The following MSL3 variants were observed in gnomAD, a reference collection of about 807,000 sequenced individuals.
MSL3 encodes the protein MSL3-like 1.
In MSL3, 5 loss-of-function variants were observed where a neutral mutation model predicts 37.2. The observed-to-expected ratio is 0.13, with a 90% CI of 0.07 to 0.28. The LOEUF (loss-of-function observed/expected upper bound fraction) is 0.28. Ranked by LOEUF, MSL3 falls within the 10% of genes least tolerant of loss-of-function variation. MSL3 has a pLI of 1.00. For synonymous variants in MSL3, 149 were observed against 147.6 expected (o/e 1.01, Z -0.07); for missense variants, 315 against 408.5 (o/e 0.77, Z 1.97).
rs1368126610 is a variant in MSL3 at position 11,765,622 on chromosome X, G to C, written c.1064G>C (p.Ser355Thr). ...TCTCTGAGGCGGTCCACGCGCCACA[G>C]TGCCAACTGTGACAGGCTTTCTGAG... ...LQSLRRSTRH[S>T]ANCDRLSESS... The change falls in exon 9 of 13, where the codon AGT becomes ACT. Residue 355 changes from serine (S) to threonine (T), a missense_variant. Ser to Thr is a moderately conservative substitution (Grantham distance 58). Coordinates refer to ENST00000312196, the MANE Select transcript of MSL3 (RefSeq NM_078629.4). 1 of 1,211,732 alleles carries C rather than the reference G, an allele frequency of 8.3e-7. No homozygotes were observed. Among genetic ancestry groups the C allele is most frequent in the Non-Finnish European group, 1.1e-6 (1 of 895,400 alleles).
intron 2 of MSL3, chrX:11,760,115 G>T: frequency 2.6e-6 from 1 of 384,779 alleles, no homozygotes; most frequent in Non-Finnish European, 4.4e-6. Flanking sequence ...AGAGAAGTTT[G>T]ATTCATTTCC....
At chrX:11,770,915 G>A in intron 10 of MSL3, among the ~76,000 whole-genome samples, 1 of 112,126 alleles carries the variant, frequency 8.9e-6, no homozygotes, top group Non-Finnish European at 1.9e-5. Context: ...CAAAGCTTCA[G>A]CTGTGTGCAC....
chrX:11,774,858 G>C, intron 12 of MSL3, 122 bp from the exon 13 acceptor site: 2 of 491,773 alleles, frequency 4.1e-6, no homozygotes, highest in African/African-American at 4.8e-5. Flanking sequence ...CAAAATTATA[G>C]TCATTTTTTT....
At chrX:11,758,817 G>A in intron 1 of MSL3, 7 of 1,134,289 alleles carry the variant, frequency 6.2e-6, no homozygotes, top group Non-Finnish European at 8.3e-6. Flanking sequence ...GACTTGCGAC[G>A]TTGTGTCCCT....
At position 11,766,218 on chromosome X, in the gene MSL3, A is replaced by G. The variant is rs1438456679; in HGVS notation, c.1171+489A>G. The G allele has an allele frequency of 2.5e-5, 19 of 769,343 alleles. No homozygotes were observed. The African/African-American group carries it at 4.1e-4, about 16-fold the overall frequency. 63.4% of individuals were successfully genotyped at this position (769,343 alleles called of 1,213,427 possible). On this transcript the variant is annotated intron_variant, in intron 9 of 12. Coordinates refer to ENST00000312196, the MANE Select transcript of MSL3 (RefSeq NM_078629.4). ...CTCCTCTTAGCCCAACTCAAACTCC[A>G]TCAGATCTTCTCACCTTGATTTTGA... is the stretch of plus-strand genomic sequence containing the variant.
At chrX:11,764,765 A>G (rs2053164163) in intron 8 of MSL3, among the ~76,000 whole-genome samples, 2 of 111,118 alleles carry the variant, frequency 1.8e-5, no homozygotes, top group South Asian at 3.8e-4. Flanking sequence ...CCTCTGCTTC[A>G]TGGCTGTCAG....
At position 11,763,765 on chromosome X, in the gene MSL3, T is replaced by G. The variant is rs745525694; in HGVS notation, c.750-15T>G. 1.2e-5 allele frequency: 14 copies of G among 1,178,753 alleles called. No individual in the cohort carries two copies. Among genetic ancestry groups the G allele is most frequent in the Non-Finnish European group, 1.6e-5 (14 of 879,313 alleles). On this transcript the variant is annotated splice_polypyrimidine_tract_variant and intron_variant, in intron 7 of 12. Transcript: ENST00000312196. ...CTTACTTGTGTCTCTAATCTCTTCT[T>G]TTTAATCCTCCCAGTGTTGACCTTT...
intron 12 of MSL3, 62 bp from the exon 13 acceptor site, chrX:11,774,918 A>G (rs2053261573): frequency 1.2e-6 from 1 of 807,544 alleles, no homozygotes; most frequent in Non-Finnish European, 1.8e-6. Context: ...GAAAGTCAAT[A>G]TTTTGCTTGA....
At position 11,773,058 on chromosome X, in the gene MSL3, G is replaced by A. The variant is rs1034246519; in HGVS notation, c.1466+353G>A. ...TAGTTTTACATTTTTTTATTCAACAGTACCTCAAGTAGTGGACTTTCCTTT... is the reference window on the plus strand; with the variant it reads ...TAGTTTTACATTTTTTTATTCAACAATACCTCAAGTAGTGGACTTTCCTTT... On this transcript the variant is annotated intron_variant, in intron 12 of 12. Coordinates refer to ENST00000312196, the MANE Select transcript of MSL3 (RefSeq NM_078629.4). Among the ~76,000 whole-genome samples, 3 of 112,090 alleles carry A rather than the reference G, an allele frequency of 2.7e-5. No individual in the cohort carries two copies. The East Asian group carries it at 8.3e-4, about 31-fold the overall frequency.
chrX:11,766,748 C>T (rs2053187324), intron 9 of MSL3: 2 of 753,336 alleles, frequency 2.7e-6, no homozygotes, highest in South Asian at 6.8e-5. Flanking sequence ...AGAGCTACGC[C>T]AGCAGGCGCC....
chrX:11,758,199 C>A, upstream of MSL3: 1 of 149,120 alleles, frequency 6.7e-6, no homozygotes, highest in Non-Finnish European at 1.2e-5. Flanking sequence ...CCCGCCCCCG[C>A]CCGCCCTCCC....
intron 5 of MSL3, 30 bp from the exon 6 acceptor site, chrX:11,762,100 A>G (rs1259847717): frequency 9.0e-7 from 1 of 1,107,843 alleles, no homozygotes. Context: ...ACTGTTTTAA[A>G]TAGTTAAAAA....
chrX:11,768,708 C>T (rs771379979), intron 10 of MSL3, 26 bp downstream of exon 10: 1 of 1,018,569 alleles, frequency 9.8e-7, no homozygotes. Flanking sequence ...TGTTTGTTCC[C>T]AATGGTTCCT....
chrX:11,758,201 CGCCCT>C, upstream of MSL3: 4 of 167,976 alleles, frequency 2.4e-5, no homozygotes, highest in Non-Finnish European at 3.2e-5. Flanking sequence ...CGCCCCCGCC[CGCCCT>C]CCCCCACCGC....
intron 1 of MSL3, chrX:11,758,627 G>T: frequency 8.7e-7 from 1 of 1,155,745 alleles, no homozygotes; most frequent in South Asian, 2.0e-5. Flanking sequence ...GCGTTACCGG[G>T]GCTACCGTTT....
intron 9 of MSL3, chrX:11,767,486 A>G (rs974968946): frequency 4.1e-5 from 5 of 122,543 alleles, no homozygotes; most frequent in Non-Finnish European, 7.9e-5. Context: ...GCCAGGTGTG[A>G]TGATGTGCAC....
chrX:11,768,505 T>A (rs769431293), intron 9 of MSL3, 68 bp from the exon 10 acceptor site: 1 of 731,835 alleles, frequency 1.4e-6, no homozygotes, highest in East Asian at 3.3e-5. Context: ...GTTCTGCAGT[T>A]TTTAACAGTC....
intron 1 of MSL3, 155 bp from the exon 2 acceptor site, chrX:11,759,638 G>C: frequency 5.5e-6 from 6 of 1,095,018 alleles, no homozygotes; most frequent in Non-Finnish European, 7.2e-6. Flanking sequence ...CCACTTGGGG[G>C]AAAAAAATGA....
chrX:11,761,567 A>G lies in MSL3; in HGVS notation c.450A>G (p.Glu150=), dbSNP rs772948994. 1 of 1,174,666 alleles carries G rather than the reference A, an allele frequency of 8.5e-7. No homozygotes were observed. Among genetic ancestry groups the G allele is most frequent in the Admixed American group, 2.2e-5 (1 of 44,618 alleles). The change falls in exon 5 of 13, where the codon GAA becomes GAG. Residue 150 remains glutamate, a synonymous_variant. Coordinates refer to ENST00000312196, the MANE Select transcript of MSL3 (RefSeq NM_078629.4). ...AAATAAGTGAAGAAAGTGATATTGA[A>G]GAAAAGACTGAAGTGGTATAAAGTT... is the stretch of plus-strand genomic sequence containing the variant. ...DEEISEESDI[E]EKTEVKEEPE...
Sources: allele counts gnomAD v4.1 joint callset (sites outside exome capture counted in the v4.1 genomes callset), GRCh38; gene constraint gnomAD v4.1.1; transcripts MANE v1.5; gene names NCBI Gene and HGNC (gene_info 2026-07-23, HGNC 2026-07-21).